Variants in CABP1 observed in about 807,000 individuals in gnomAD.
CABP1 encodes calcium binding protein 1, also known as calcium-binding protein 1.
CABP1 carries 17 observed loss-of-function variants against 34.3 expected under a neutral mutation model. The ratio of observed to expected loss-of-function variants is 0.50; its 90% CI spans 0.34 to 0.74. The LOEUF (loss-of-function observed/expected upper bound fraction) is 0.74. Among genes scored for constraint, CABP1 ranks in the 30% least tolerant of loss-of-function variants. The pLI, the probability that CABP1 is intolerant of heterozygous loss-of-function variation, is 0.01. For synonymous variants in CABP1, 198 were observed against 229.2 expected, an observed-to-expected ratio of 0.86 and a Z score of 1.23; for missense variants, 373 against 511.1, an observed-to-expected ratio of 0.73 and a Z score of 2.61.
chr12:120,670,416 C>T (rs1881212847), downstream of CABP1, among the ~76,000 whole-genome samples: 1 of 152,194 alleles, frequency 6.6e-6, no homozygotes, highest in Non-Finnish European at 1.5e-5. Flanking sequence ...CCACTACCTT[C>T]CCTGCTGGGG....
chr12:120,669,951 T>C (rs559558692), downstream of CABP1, among the ~76,000 whole-genome samples: 30 of 152,196 alleles, frequency 2.0e-4, no homozygotes, highest in African/African-American at 7.2e-4. Flanking sequence ...TAAAATTATT[T>C]TTATTTGCTT....
Position 120,660,623 on chromosome 12 carries a change from T to A in CABP1, c.830-108T>A. The A allele has an allele frequency of 2.5e-6, 2 of 800,386 alleles. No homozygotes were observed. The highest frequency in any genetic ancestry group is 4.3e-6 in the Non-Finnish European group (2 of 464,062). 49.6% of individuals were successfully genotyped at this position (800,386 alleles called of 1,614,324 possible). A position where few individuals can be genotyped will look rare whatever the true frequency, so the allele number is the denominator to read the frequency against. ...GGCTCTTGTTATTATTAAGTTTGTC[T>A]CTATCTGATGAGCAGGTCAAGGAGG... On this transcript the variant is annotated intron_variant, in intron 3 of 5. Transcript: ENST00000316803. This position sits in a 1 kb window ranked among gnomAD's most constrained non-coding sequence, Gnocchi z 5.0.
At chr12:120,647,688 C>G (rs1034006381) in intron 1 of CABP1, among the ~76,000 whole-genome samples, 10 of 151,378 alleles carry the variant, frequency 6.6e-5, no homozygotes, top group African/African-American at 1.9e-4. Flanking sequence ...TTGCCTCAGC[C>G]TCTCGAGTAG....
In CABP1 at chr12:120,641,112, T is replaced by C; in HGVS notation, c.427T>C (p.Cys143Arg). 1 of 1,223,122 alleles carries C rather than the reference T, an allele frequency of 8.2e-7. No homozygotes were observed. 75.8% of individuals were successfully genotyped at this position (1,223,122 alleles called of 1,614,324 possible). ...CCAGCGTGTGCTCCCCCAGGCGCAC[T>C]GCAGGCCCCGGGAGGCGCTGCCGGC... ...GSQRVLPQAH[C>R]RPREALPAAA... is the part of the protein sequence containing the mutation. The change falls in exon 1 of 6, where the codon TGC (cysteine) becomes CGC (arginine). Residue 143 changes from cysteine to arginine, a missense_variant. By Grantham distance (180) the Cys-to-Arg change is radical (BLOSUM62 -3). Around this residue, in one of 4 missense-constraint regions of CABP1, gnomAD observed 121 missense variants for 125.5 expected, o/e 0.96. Transcript: ENST00000316803. This position sits in a 1 kb window ranked among gnomAD's most constrained non-coding sequence, Gnocchi z 6.7.
chr12:120,680,443 G>A, the CABP1 span, among the ~76,000 whole-genome samples: 4 of 152,188 alleles, frequency 2.6e-5, no homozygotes, highest in Non-Finnish European at 5.9e-5. Flanking sequence ...TCCTGAGAGA[G>A]TGCTGGAGGA....
At chr12:120,656,621 C>T (rs997197968) in intron 1 of CABP1, among the ~76,000 whole-genome samples, 8 of 152,092 alleles carry the variant, frequency 5.3e-5, no homozygotes, top group South Asian at 2.1e-4. Context: ...TTGGGCTGGG[C>T]GCAGCGGCTC....
At chr12:120,655,586 C>T (rs1467666388) in intron 1 of CABP1, 7 of 1,301,612 alleles carry the variant, frequency 5.4e-6, no homozygotes, top group Non-Finnish European at 6.8e-6. Context: ...TCCGATTGCC[C>T]TCACTGCCTT....
chr12:120,677,593 G>A, the CABP1 span, among the ~76,000 whole-genome samples: 1 of 151,860 alleles, frequency 6.6e-6, no homozygotes, highest in South Asian at 2.1e-4. Flanking sequence ...GATGGGAGTG[G>A]GGGGTGTCTC....
At chr12:120,655,807 A>T in intron 1 of CABP1, 2 of 1,510,130 alleles carry the variant, frequency 1.3e-6, no homozygotes, top group Non-Finnish European at 1.8e-6. Flanking sequence ...TTCTGTGCAT[A>T]TGTATGTGCC....
At chr12:120,666,019 A>AG (rs1880954097) in intron 5 of CABP1, among the ~76,000 whole-genome samples, 1 of 144,654 alleles carries the variant, frequency 6.9e-6, no homozygotes, top group African/African-American at 2.5e-5. Flanking sequence ...CTCTGTCTCA[A>AG]AAAAAAAAAA....
Position 120,661,304 on chromosome 12 carries a change from T to C in CABP1, c.1087+86T>C. 1 of 1,489,546 alleles carries C rather than the reference T, an allele frequency of 6.7e-7. No individual in the cohort carries two copies. Among genetic ancestry groups the C allele is most frequent in the Non-Finnish European group, 9.0e-7 (1 of 1,108,910 alleles). The allele number at this position is 1,489,546 out of a possible 1,614,324, so 92.3% of individuals were successfully genotyped here. On this transcript the variant is annotated intron_variant, in intron 5 of 5. Coordinates refer to ENST00000316803, the MANE Select transcript of CABP1 (RefSeq NM_001033677.2). This position sits in a 1 kb window ranked among gnomAD's most constrained non-coding sequence, Gnocchi z 5.1. ...CAATTGTGTATCCATCATGCAACCATCAATCCGCCCTAATTTTCCAACCCC... is the reference window on the plus strand; with the variant it reads ...CAATTGTGTATCCATCATGCAACCACCAATCCGCCCTAATTTTCCAACCCC...
At chr12:120,644,507 T>C (rs1266008759) in intron 1 of CABP1, among the ~76,000 whole-genome samples, 2 of 152,136 alleles carry the variant, frequency 1.3e-5, no homozygotes, top group African/African-American at 4.8e-5. Flanking sequence ...GGCAGAGGCA[T>C]GATGACATGG....
In CABP1 at chr12:120,650,435, A is replaced by C. The variant is rs1417354509; in HGVS notation, c.654+9096A>C. 4.3e-4 allele frequency: 240 copies of C among 556,616 alleles called. No individual in the cohort carries two copies. The East Asian group carries it at 0.028, about 64-fold the overall frequency. The allele number at this position is 556,616 out of a possible 1,614,324, so 34.5% of individuals were successfully genotyped here. On this transcript the variant is annotated intron_variant, in intron 1 of 5. Coordinates refer to ENST00000316803, the MANE Select transcript of CABP1 (RefSeq NM_001033677.2). ...CACAAACACACACACAATCCACCCAAAAAAAAAAAAAATCGGAGAGCAGGA... is the reference window on the plus strand; with the variant it reads ...CACAAACACACACACAATCCACCCACAAAAAAAAAAAATCGGAGAGCAGGA...
chr12:120,648,211 C>T (rs928784004), intron 1 of CABP1, among the ~76,000 whole-genome samples: 1 of 152,138 alleles, frequency 6.6e-6, no homozygotes, highest in African/African-American at 2.4e-5. Context: ...TTCCTGATCC[C>T]CTAGACTCAG....
chr12:120,641,154 T>G lies in CABP1; in HGVS notation c.469T>G (p.Ser157Ala), dbSNP rs1879301044. Residue 157 changes from serine (S) to alanine (A), a missense_variant, in exon 1 of 6, where the codon TCG becomes GCG. Physicochemically the swap from Ser to Ala is moderately conservative, Grantham distance 99. Transcript: ENST00000316803. This position sits in a 1 kb window ranked among gnomAD's most constrained non-coding sequence, Gnocchi z 6.7. ...EALPAAASRPSPSSPLPPARG... is the reference protein window; with the variant it reads ...EALPAAASRPAPSSPLPPARG... ...GCTGCCGGCCGCGGCGTCCCGACCT[T>G]CGCCGTCGTCGCCGCTGCCGCCGGC... The G allele has an allele frequency of 3.2e-6, 4 of 1,234,938 alleles. No individual in the cohort carries two copies. In the Admixed American group the frequency reaches 1.7e-4, roughly 53 times the overall value. The allele number at this position is 1,234,938 out of a possible 1,614,324, so 76.5% of individuals were successfully genotyped here.
At chr12:120,650,632 C>T in intron 1 of CABP1, 1 of 1,614,006 alleles carries the variant, frequency 6.2e-7, no homozygotes, top group Non-Finnish European at 8.5e-7. Flanking sequence ...GCTGCCTCAA[C>T]TTAGGATGGG....
At position 120,643,351 on chromosome 12, in the gene CABP1, CCA is replaced by C. The variant is rs528314944; in HGVS notation, c.654+2013_654+2014del. Among the ~76,000 whole-genome samples, 387 of 152,338 alleles carry C rather than the reference CCA, an allele frequency of 2.5e-3. 4 individuals are homozygous for C. The highest frequency in any genetic ancestry group is 9.0e-3 in the African/African-American group (376 of 41,576). On this transcript the variant is annotated intron_variant, in intron 1 of 5. Coordinates refer to ENST00000316803, the MANE Select transcript of CABP1 (RefSeq NM_001033677.2). ...GGCTGGGACTTTCGTGTCAGAGCCTCCAGTCTCCTGTGACAGAGAGGAATTAA... is the reference window on the plus strand; with the variant it reads ...GGCTGGGACTTTCGTGTCAGAGCCTCGTCTCCTGTGACAGAGAGGAATTAA...
At chr12:120,649,670 C>CT (rs1879720547) in intron 1 of CABP1, among the ~76,000 whole-genome samples, 1 of 152,160 alleles carries the variant, frequency 6.6e-6, no homozygotes, top group Admixed American at 6.5e-5. Flanking sequence ...CTCATGCCCT[C>CT]TCTGCCTGCG....
chr12:120,676,810 G>A, the CABP1 span, among the ~76,000 whole-genome samples: 1 of 152,178 alleles, frequency 6.6e-6, no homozygotes, highest in African/African-American at 2.4e-5. Flanking sequence ...TTCCAGGTGA[G>A]GAAACTTAGG....
Sources: gnomAD v4.1 joint callset for allele counts (sites outside exome capture counted in the v4.1 genomes callset) on GRCh38, gnomAD v4.1.1 for gene constraint, gnomAD v4.1.1 regional missense constraint, Gnocchi (gnomAD v3.1) non-coding constraint, MANE v1.5 for transcripts, NCBI Gene and HGNC (gene_info 2026-07-23, HGNC 2026-07-21) for gene names.